The following TMEM196 variants were observed in gnomAD, a reference collection of about 807,000 sequenced individuals.
TMEM196 encodes the protein transmembrane protein 196.
In TMEM196, 17 loss-of-function variants were observed where a neutral mutation model predicts 20.0. That is an observed-to-expected ratio of 0.85 (90% CI 0.58 to 1.27). The LOEUF (loss-of-function observed/expected upper bound fraction) is 1.27, where lower values mean the gene tolerates loss of function less well. Ranked by LOEUF, TMEM196 falls within the 50% of genes most tolerant of loss-of-function variation. The pLI is 0.00. For synonymous variants in TMEM196, 113 were observed against 88.9 expected (o/e 1.27, Z -1.52); for missense variants, 267 against 223.0 (o/e 1.20, Z -1.26).
intron 1 of TMEM196, among the ~76,000 whole-genome samples, chr7:19,769,697 T>C (rs1360981784): frequency 6.6e-6 from 1 of 151,164 alleles, no homozygotes; most frequent in African/African-American, 2.5e-5. Context: ...TTGAAAATAT[T>C]TGGGAAAAAA....
At chr7:19,763,752 G>A (rs1012112010) in intron 1 of TMEM196, among the ~76,000 whole-genome samples, 1 of 152,062 alleles carries the variant, frequency 6.6e-6, no homozygotes, top group Non-Finnish European at 1.5e-5. Context: ...ACAAAAATAT[G>A]CATCCCATTG....
chr7:19,725,529 A>G lies in TMEM196; in HGVS notation c.444T>C (p.His148=), dbSNP rs372179583. 6.2e-7 allele frequency: 1 copy of G among 1,608,978 alleles called. No individual in the cohort carries two copies. The highest frequency in any genetic ancestry group is 8.5e-7 in the Non-Finnish European group (1 of 1,175,606). Residue 148 remains histidine, a synonymous_variant, in exon 3 of 5, where the codon CAT becomes CAC. Coordinates refer to ENST00000405844, the MANE Select transcript of TMEM196 (RefSeq NM_001363562.2). The part of the protein sequence containing the change: ...SEREHSLHHS[H]EMAEKRLRAI... ...CAAAACTCACTTTCTCAGCCATTTCATGAGAGTGATGCAGGGAATGCTCCC... is the reference window on the plus strand; with the variant it reads ...CAAAACTCACTTTCTCAGCCATTTCGTGAGAGTGATGCAGGGAATGCTCCC...
intron 1 of TMEM196, among the ~76,000 whole-genome samples, chr7:19,763,934 A>AAAGTGC (rs1785527722): frequency 6.6e-6 from 1 of 152,206 alleles, no homozygotes; most frequent in Non-Finnish European, 1.5e-5. Context: ...AAACAATTAA[A>AAAGTGC]AAGTGCTAGA....
intron 2 of TMEM196, 45 bp from the exon 3 acceptor site, chr7:19,725,813 C>G: frequency 6.5e-7 from 1 of 1,544,254 alleles, no homozygotes; most frequent in Non-Finnish European, 8.8e-7. Flanking sequence ...AAAGGCAAAC[C>G]TGACCAGAAC....
In TMEM196 at chr7:19,724,284, T is replaced by A; in HGVS notation, c.529A>T (p.Thr177Ser). 6.5e-7 allele frequency: 1 copy of A among 1,550,350 alleles called. No individual in the cohort carries two copies. Residue 177 changes from threonine (T) to serine (S), a missense_variant, in exon 4 of 5, where the codon ACA becomes TCA. Coordinates refer to ENST00000405844, the MANE Select transcript of TMEM196 (RefSeq NM_001363562.2). ...ACTCCCTAGAAATCAGCGTACCTTG[T>A]AGGTAACTCTGGTGTCGGGGGCACC... is the stretch of plus-strand genomic sequence containing the variant. ...PVVPPTPELP[T>S]RK
chr7:19,729,552 T>G, intron 1 of TMEM196, 114 bp from the exon 2 acceptor site: 3 of 956,524 alleles, frequency 3.1e-6, no homozygotes, highest in Non-Finnish European at 4.6e-6. Context: ...CATTTTAAAT[T>G]TCCTTCAAAA....
chr7:19,745,771 G>GA (rs559503510), intron 1 of TMEM196, among the ~76,000 whole-genome samples: 37 of 149,210 alleles, frequency 2.5e-4, no homozygotes, highest in Non-Finnish European at 4.9e-4. Context: ...GGGATGCTGA[G>GA]AGGACATCAA....
intron 1 of TMEM196, among the ~76,000 whole-genome samples, chr7:19,740,761 A>C (rs1268556839): frequency 6.6e-6 from 1 of 152,060 alleles, no homozygotes; most frequent in Non-Finnish European, 1.5e-5. Flanking sequence ...CTGGTTTTGC[A>C]TGTGGAATTG....
chr7:19,771,580 C>G (rs1292778735), intron 1 of TMEM196, among the ~76,000 whole-genome samples: 3 of 152,190 alleles, frequency 2.0e-5, no homozygotes, highest in Non-Finnish European at 4.4e-5. Context: ...TGACAGAATA[C>G]TTTCTATTGA....
intron 2 of TMEM196, 31 bp from the exon 3 acceptor site, chr7:19,725,799 T>A: frequency 1.3e-6 from 2 of 1,560,406 alleles, no homozygotes; most frequent in African/African-American, 2.7e-5. Flanking sequence ...AGCGTTAAAG[T>A]TGAAAAGGCA....
At chr7:19,747,208 TC>T (rs1222310304) in intron 1 of TMEM196, among the ~76,000 whole-genome samples, 1 of 148,482 alleles carries the variant, frequency 6.7e-6, no homozygotes, top group Non-Finnish European at 1.5e-5. Flanking sequence ...TTAGCCGAGA[TC>T]GCGCCACTGC....
chr7:19,761,446 A>C (rs1444591539), intron 1 of TMEM196, among the ~76,000 whole-genome samples: 1 of 152,220 alleles, frequency 6.6e-6, no homozygotes, highest in Non-Finnish European at 1.5e-5. Context: ...ATCTTTTATC[A>C]AAAGAGACAT....
chr7:19,722,256 A>T, intron 4 of TMEM196, 122 bp from the exon 5 acceptor site: 2 of 748,712 alleles, frequency 2.7e-6, no homozygotes, highest in Non-Finnish European at 4.4e-6. Flanking sequence ...TTGGGGAAAG[A>T]CAAGGATATT....
intron 1 of TMEM196, among the ~76,000 whole-genome samples, chr7:19,750,331 A>G (rs1784911431): frequency 6.6e-6 from 1 of 152,264 alleles, no homozygotes. Flanking sequence ...ATCACATTGT[A>G]GCCATAAATA....
Position 19,729,440 on chromosome 7 carries a change from TGAAAAG to T in TMEM196, c.148-8_148-3del. 6.5e-7 allele frequency: 1 copy of T among 1,550,098 alleles called. No homozygotes were observed. The highest frequency in any genetic ancestry group is 8.7e-7 in the Non-Finnish European group (1 of 1,146,628). On this transcript the variant is annotated splice_region_variant and splice_polypyrimidine_tract_variant and intron_variant, in intron 1 of 4. Transcript: ENST00000405844. ...TCCACAAATGCCACAAAGAAGAAAC[TGAAAAG>T]GAAAAGAAGAACAATTACTCCTTAT... is the stretch of plus-strand genomic sequence containing the variant.
intron 1 of TMEM196, among the ~76,000 whole-genome samples, chr7:19,732,590 A>C (rs201348633): frequency 0.12 from 16,758 of 144,902 alleles, 1,644 homozygotes; most frequent in East Asian, 0.54. Context: ...AAAAACAAAA[A>C]AAAAAAAAAC....
chr7:19,719,572 C>A lies in TMEM196; in HGVS notation c.*2556G>T, dbSNP rs1339157979. The A allele has an allele frequency of 2.0e-5, 3 of 152,018 alleles. No homozygotes were observed. The highest frequency in any genetic ancestry group is 7.2e-5 in the African/African-American group (3 of 41,404). The allele number at this position is 152,018 out of a possible 1,614,324, so 9.4% of individuals were successfully genotyped here. A position where few individuals can be genotyped will look rare whatever the true frequency, so the allele number is the denominator to read the frequency against. ...ACATAGTTTTTCTAATTTAGTATCA[C>A]CTTACTTTCTTCCAAGGGTAGGCTC... On this transcript the variant is annotated 3_prime_UTR_variant, in exon 5 of 5. Transcript: ENST00000405844.
At chr7:19,734,970 A>G (rs947982360) in intron 1 of TMEM196, among the ~76,000 whole-genome samples, 6 of 152,178 alleles carry the variant, frequency 3.9e-5, no homozygotes, top group African/African-American at 1.4e-4. Flanking sequence ...AACAGTAAAT[A>G]TATGGAAAAT....
chr7:19,720,032 G>C lies in TMEM196; in HGVS notation c.*2096C>G, dbSNP rs1389330649. The C allele has an allele frequency of 1.3e-5, 2 of 151,988 alleles. No individual in the cohort carries two copies. Among genetic ancestry groups the C allele is most frequent in the African/African-American group, 4.8e-5 (2 of 41,414 alleles). 9.4% of individuals were successfully genotyped at this position (151,988 alleles called of 1,614,324 possible). On this transcript the variant is annotated 3_prime_UTR_variant, in exon 5 of 5. Transcript: ENST00000405844. ...ATTAGAGTCAGTGTTTATTCTTTCAGTACAAAACTACATCCTTGCATGAAT... is the reference window on the plus strand; with the variant it reads ...ATTAGAGTCAGTGTTTATTCTTTCACTACAAAACTACATCCTTGCATGAAT...
Sources: allele counts gnomAD v4.1 joint callset (sites outside exome capture counted in the v4.1 genomes callset), GRCh38; gene constraint gnomAD v4.1.1; transcripts MANE v1.5; gene names NCBI Gene and HGNC (gene_info 2026-07-23, HGNC 2026-07-21).